The following FKTN variants were observed in gnomAD, a reference collection of about 807,000 sequenced individuals.
The protein encoded by FKTN is ribitol-5-phosphate transferase FKTN.
Under a neutral mutation model 58.6 loss-of-function variants are expected in FKTN, and 47 were observed. The ratio of observed to expected loss-of-function variants is 0.80; its 90% CI spans 0.63 to 1.02. The LOEUF (loss-of-function observed/expected upper bound fraction) is 1.02, where lower values mean the gene tolerates loss of function less well. Ranked by LOEUF, FKTN falls within the 50% of genes least tolerant of loss-of-function variation. The pLI, the probability that FKTN is intolerant of heterozygous loss-of-function variation, is 0.00. For synonymous variants in FKTN, 178 were observed against 191.9 expected, an observed-to-expected ratio of 0.93 and a Z score of 0.60; for missense variants, 516 against 537.3, an observed-to-expected ratio of 0.96 and a Z score of 0.39.
intron 10 of FKTN, 74 bp downstream of exon 10, chr9:105,620,135 C>A: frequency 7.2e-7 from 1 of 1,389,408 alleles, no homozygotes; most frequent in Non-Finnish European, 1.0e-6. Context: ...AAAGAAGTAA[C>A]TGAAAAGAAA....
In FKTN at chr9:105,604,240, A is replaced by T; in HGVS notation, c.395A>T (p.Asn132Ile). 1 of 1,612,658 alleles carries T rather than the reference A, an allele frequency of 6.2e-7. No individual in the cohort carries two copies. Among genetic ancestry groups the T allele is most frequent in the African/African-American group, 1.3e-5 (1 of 74,996 alleles). Residue 132 changes from asparagine to isoleucine, a missense_variant, in exon 6 of 11, where the codon AAT becomes ATT. Transcript: ENST00000357998. ...NEEGWFRIAE[N>I]MGFQCLKIES... The stretch of plus-strand genomic sequence containing the variant: ...GAAGGCTGGTTTCGGATAGCTGAGA[A>T]TATGGGATTTCAGTGCCTAAAGATT...
At chr9:105,559,760 A>C (rs887922670) in intron 1 of FKTN, among the ~76,000 whole-genome samples, 4 of 152,168 alleles carry the variant, frequency 2.6e-5, no homozygotes, top group African/African-American at 9.7e-5. Context: ...AAATATAGGC[A>C]GATAGAGTGC....
intron 10 of FKTN, among the ~76,000 whole-genome samples, chr9:105,629,795 A>T (rs1644092695): frequency 6.6e-6 from 1 of 152,190 alleles, no homozygotes; most frequent in African/African-American, 2.4e-5. Context: ...AACCAACCCA[A>T]ATGTCCATCA....
chr9:105,575,243 T>A, intron 3 of FKTN, 106 bp downstream of exon 3: 1 of 756,904 alleles, frequency 1.3e-6, no homozygotes, highest in East Asian at 2.6e-5. Flanking sequence ...GTATTCAAAT[T>A]CTTGCATCTT....
intron 1 of FKTN, among the ~76,000 whole-genome samples, chr9:105,570,694 A>T (rs971327099): frequency 6.6e-6 from 1 of 150,666 alleles, no homozygotes; most frequent in African/African-American, 2.4e-5. Context: ...AGTGCTTAGC[A>T]TTTTTTTTTG....
In FKTN at chr9:105,640,375, A is replaced by G. The variant is rs895754637; in HGVS notation, c.*5111A>G. The G allele has an allele frequency of 7.2e-5, 27 of 375,374 alleles. No individual in the cohort carries two copies. The highest frequency in any genetic ancestry group is 1.2e-4 in the Non-Finnish European group (25 of 211,584). The allele number at this position is 375,374 out of a possible 1,614,324, so 23.3% of individuals were successfully genotyped here. On this transcript the variant is annotated 3_prime_UTR_variant, in exon 11 of 11. Transcript: ENST00000357998. ...AGACCAGCCTGGCCAACATAGTGAA[A>G]CCCCGTCTCTTCTAAAAATACAAAA... is the stretch of plus-strand genomic sequence containing the variant.
At chr9:105,590,723 T>G (rs1844716094) in intron 3 of FKTN, among the ~76,000 whole-genome samples, 1 of 152,192 alleles carries the variant, frequency 6.6e-6, no homozygotes, top group Admixed American at 6.5e-5. Flanking sequence ...GGAGTTTTTT[T>G]GTACGTGTTA....
rs1367635040 is a variant in FKTN at position 105,618,040 on chromosome 9, T to C, written c.992T>C (p.Ile331Thr). Residue 331 changes from isoleucine (I) to threonine (T), a missense_variant, in exon 9 of 11, where the codon ATT becomes ACT. By Grantham distance (89) the Ile-to-Thr change is moderately conservative. Transcript: ENST00000357998. ...GIFIQDYKSD[I>T]ILAFQDAGLP... ...TTTATACAAGATTACAAATCTGATATTATTTTAGCATTTCAGGATGCAGGA... is the reference window on the plus strand; with the variant it reads ...TTTATACAAGATTACAAATCTGATACTATTTTAGCATTTCAGGATGCAGGA... 1.2e-6 allele frequency: 2 copies of C among 1,608,828 alleles called. No homozygotes were observed. The highest frequency in any genetic ancestry group is 1.7e-6 in the Non-Finnish European group (2 of 1,175,132).
chr9:105,583,339 A>G (rs1346857652), intron 3 of FKTN, among the ~76,000 whole-genome samples: 5 of 152,176 alleles, frequency 3.3e-5, no homozygotes, highest in Admixed American at 2.6e-4. Flanking sequence ...CCAATATCAC[A>G]TAGTTATTAA....
At chr9:105,585,853 G>T (rs187794327) in intron 3 of FKTN, among the ~76,000 whole-genome samples, 1 of 152,268 alleles carries the variant, frequency 6.6e-6, no homozygotes, top group African/African-American at 2.4e-5. Flanking sequence ...GAAATTATAG[G>T]TTAGCGTCAT....
chr9:105,616,879 C>CAAAAAA, intron 8 of FKTN, among the ~76,000 whole-genome samples: 1 of 119,876 alleles, frequency 8.3e-6, no homozygotes, highest in African/African-American at 3.2e-5. Context: ...TAGAATAAGC[C>CAAAAAA]AAAAAAAAAA....
At chr9:105,606,653 G>C (rs1217612057) in intron 6 of FKTN, among the ~76,000 whole-genome samples, 1 of 149,590 alleles carries the variant, frequency 6.7e-6, no homozygotes, top group Admixed American at 6.7e-5. Flanking sequence ...AAGTGTAAGA[G>C]TATGTTTATT....
At chr9:105,576,931 T>G (rs1432826074) in intron 3 of FKTN, among the ~76,000 whole-genome samples, 1 of 110,738 alleles carries the variant, frequency 9.0e-6, no homozygotes, top group Non-Finnish European at 1.9e-5. Context: ...ATGATGAGCA[T>G]TTTTTCATGT....
chr9:105,561,380 G>C (rs1245216050), intron 1 of FKTN, among the ~76,000 whole-genome samples: 2 of 152,034 alleles, frequency 1.3e-5, no homozygotes, highest in Non-Finnish European at 1.5e-5. Flanking sequence ...GATGAGAGGA[G>C]AATTTTTAAA....
Position 105,591,311 on chromosome 9 carries a change from C to T in FKTN, c.106-5287C>T, listed in dbSNP as rs145646061. On this transcript the variant is annotated intron_variant, in intron 3 of 10. Transcript: ENST00000357998. ...AAAGTCTCATCTGAGACAAGGCAAG[C>T]CCCTTCCACCTATGAGCCTGTAAAA... is the stretch of plus-strand genomic sequence containing the variant. Among the ~76,000 whole-genome samples, 1,378 of 152,310 alleles carry T rather than the reference C, an allele frequency of 9.0e-3. 22 individuals carry two copies. The highest frequency in any genetic ancestry group is 0.032 in the African/African-American group (1,320 of 41,568).
chr9:105,607,453 C>G (rs767122232), intron 6 of FKTN, among the ~76,000 whole-genome samples: 3 of 151,856 alleles, frequency 2.0e-5, no homozygotes, highest in Non-Finnish European at 2.9e-5. Flanking sequence ...TGTTTGATGT[C>G]AGATTTTTCA....
intron 3 of FKTN, among the ~76,000 whole-genome samples, chr9:105,588,010 A>C (rs1039916997): frequency 1.3e-5 from 2 of 152,240 alleles, no homozygotes; most frequent in Non-Finnish European, 2.9e-5. Flanking sequence ...CAATTGAAAA[A>C]GACAGTTATT....
chr9:105,609,105 G>A (rs1829436925), intron 7 of FKTN, among the ~76,000 whole-genome samples: 1 of 151,980 alleles, frequency 6.6e-6, no homozygotes, highest in Admixed American at 6.6e-5. Flanking sequence ...TACCTGTGTT[G>A]GCCCAGTATC....
chr9:105,602,748 C>T (rs182492857), intron 5 of FKTN, among the ~76,000 whole-genome samples: 9 of 151,832 alleles, frequency 5.9e-5, no homozygotes, highest in South Asian at 2.1e-4. Flanking sequence ...TTAGTAGGGA[C>T]GGGGTTTCAC....
Sources: allele counts gnomAD v4.1 joint callset (sites outside exome capture counted in the v4.1 genomes callset), GRCh38; gene constraint gnomAD v4.1.1; transcripts MANE v1.5; gene names NCBI Gene and HGNC (gene_info 2026-07-23, HGNC 2026-07-21).